Variants in STXBP3 observed in about 807,000 individuals in gnomAD.
STXBP3 encodes syntaxin-binding protein 3.
A neutral mutation model predicts 85.7 loss-of-function variants in STXBP3; 41 were observed. That is an observed-to-expected ratio of 0.48 (90% CI 0.37 to 0.62). The LOEUF (loss-of-function observed/expected upper bound fraction) is 0.62, where lower values mean the gene tolerates loss of function less well. Ranked by LOEUF, STXBP3 falls within the 20% of genes least tolerant of loss-of-function variation. The pLI, the probability that STXBP3 is intolerant of heterozygous loss-of-function variation, is 0.00. For synonymous variants in STXBP3, 229 were observed against 231.7 expected, an observed-to-expected ratio of 0.99 and a Z score of 0.10; for missense variants, 563 against 703.1, an observed-to-expected ratio of 0.80 and a Z score of 2.25.
At position 108,796,282 on chromosome 1, in the gene STXBP3, A is replaced by T. The variant is rs1557814434; in HGVS notation, c.1159A>T (p.Met387Leu). 1 of 1,613,842 alleles carries T rather than the reference A, an allele frequency of 6.2e-7. No individual in the cohort carries two copies. Among genetic ancestry groups the T allele is most frequent in the East Asian group, 2.2e-5 (1 of 44,866 alleles). Residue 387 changes from methionine to leucine, a missense_variant, in exon 14 of 19, where the codon ATG becomes TTG. This residue lies in a region of STXBP3 where 494 missense variants were observed against 592.8 expected (regional missense o/e 0.83). Coordinates refer to ENST00000370008, the MANE Select transcript of STXBP3 (RefSeq NM_007269.4). The part of the protein sequence containing the change: ...DAEGQKVKDS[M>L]RVLLPVLLNK... ...AGAAGGACAGAAGGTGAAAGATTCC[A>T]TGCGAGTACTCCTTCCAGTTCTACT... is the stretch of plus-strand genomic sequence containing the variant.
At chr1:108,803,987 T>C (rs990931855) in intron 17 of STXBP3, among the ~76,000 whole-genome samples, 6 of 152,186 alleles carry the variant, frequency 3.9e-5, no homozygotes, top group African/African-American at 1.4e-4. Context: ...ATAATTAACC[T>C]TTTTTCTCTG....
At chr1:108,772,856 A>G (rs1172990737) in intron 7 of STXBP3, 37 bp downstream of exon 7, 7 of 1,474,666 alleles carry the variant, frequency 4.7e-6, no homozygotes, top group South Asian at 1.4e-5. Context: ...TATGCTTCCT[A>G]TTTACCATTC....
At chr1:108,780,207 T>A (rs1271326133) in intron 9 of STXBP3, 3 of 152,202 alleles carry the variant, frequency 2.0e-5, no homozygotes, top group Non-Finnish European at 4.4e-5. Context: ...TACTGTTTTT[T>A]TTCTTAAATA....
intron 1 of STXBP3, among the ~76,000 whole-genome samples, chr1:108,750,574 A>T (rs1040655468): frequency 6.6e-6 from 1 of 152,168 alleles, no homozygotes; most frequent in African/African-American, 2.4e-5. Context: ...TTCCCCCCTC[A>T]CACCAACCAG....
At chr1:108,754,891 A>C (rs1309069777) in intron 3 of STXBP3, among the ~76,000 whole-genome samples, 1 of 152,124 alleles carries the variant, frequency 6.6e-6, no homozygotes, top group Non-Finnish European at 1.5e-5. Context: ...AGAACCACCT[A>C]AGTTTGCTAT....
At chr1:108,794,623 A>G (rs1380921903) in intron 12 of STXBP3, among the ~76,000 whole-genome samples, 1 of 152,200 alleles carries the variant, frequency 6.6e-6, no homozygotes, top group Admixed American at 6.5e-5. Flanking sequence ...ACAAGATGAG[A>G]TTTAGGTGGG....
rs140380528 is a variant in STXBP3, at chr1:108,777,596, A to G, written c.684+1173A>G. On this transcript the variant is annotated intron_variant, in intron 8 of 18. Transcript: ENST00000370008. The stretch of plus-strand genomic sequence containing the variant: ...ATAAATGTTTGTTGAATGAAGAGAT[A>G]TACAATCAAATATGCTTTTAGTCCT... 2.2e-3 allele frequency among the ~76,000 whole-genome samples: 340 copies of G among 152,284 alleles called. 4 individuals are homozygous for G. Among genetic ancestry groups the G allele is most frequent in the African/African-American group, 7.7e-3 (320 of 41,558 alleles).
chr1:108,784,652 A>G (rs1662788178), intron 11 of STXBP3, among the ~76,000 whole-genome samples: 1 of 152,038 alleles, frequency 6.6e-6, no homozygotes, highest in South Asian at 2.1e-4. Flanking sequence ...ACAGTCCCCT[A>G]CAGTCTTAAC....
At chr1:108,805,728 C>T (rs573359665) in intron 17 of STXBP3, among the ~76,000 whole-genome samples, 1 of 152,264 alleles carries the variant, frequency 6.6e-6, no homozygotes, top group African/African-American at 2.4e-5. Flanking sequence ...CAGCCAAGAA[C>T]ATTATTAAAA....
intron 1 of STXBP3, among the ~76,000 whole-genome samples, chr1:108,751,268 A>G (rs1478094600): frequency 1.3e-5 from 2 of 152,150 alleles, no homozygotes; most frequent in East Asian, 1.9e-4. Flanking sequence ...AAGAGATGCT[A>G]TCACTCAGGA....
chr1:108,748,859 A>G (rs1661848958), intron 1 of STXBP3, among the ~76,000 whole-genome samples: 1 of 152,208 alleles, frequency 6.6e-6, no homozygotes, highest in Non-Finnish European at 1.5e-5. Flanking sequence ...TTATTTGGGT[A>G]ACTTTTGGAC....
chr1:108,768,269 T>C (rs1292597325), intron 6 of STXBP3, among the ~76,000 whole-genome samples: 1 of 152,082 alleles, frequency 6.6e-6, no homozygotes, highest in Non-Finnish European at 1.5e-5. Flanking sequence ...CCAGGTTTTG[T>C]TAGGTTTTGT....
intron 15 of STXBP3, among the ~76,000 whole-genome samples, chr1:108,797,414 CTTT>C (rs1322961126): frequency 8.9e-5 from 12 of 135,100 alleles, no homozygotes; most frequent in Admixed American, 1.5e-4. Context: ...TCTTTCCCAT[CTTT>C]TTTTTTTTTT....
At chr1:108,794,735 C>T in intron 12 of STXBP3, 92 bp from the exon 13 acceptor site, 1 of 1,094,432 alleles carries the variant, frequency 9.1e-7, no homozygotes, top group South Asian at 1.4e-5. Context: ...TCAGCCCATA[C>T]TTTCTTTCAG....
chr1:108,750,421 T>C (rs1166981934), intron 1 of STXBP3, among the ~76,000 whole-genome samples: 1 of 152,176 alleles, frequency 6.6e-6, no homozygotes, highest in African/African-American at 2.4e-5. Context: ...GCAAACAATA[T>C]ATAATTATCT....
At chr1:108,779,149 T>TTTTG in intron 8 of STXBP3, 137 bp from the exon 9 acceptor site, 1 of 872,470 alleles carries the variant, frequency 1.1e-6, no homozygotes, top group Middle Eastern at 2.8e-4. Flanking sequence ...TAACCATTTG[T>TTTTG]TTTGTTCTGT....
rs778083653 is a variant in STXBP3, at chr1:108,746,715, T to C, written c.-23T>C. On this transcript the variant is annotated 5_prime_UTR_variant, in exon 1 of 19. Transcript: ENST00000370008. ...TAGGTTGGGAGTGGAAGGTGGTGGCTGCTGCTCCGCAGTGTCGGGAAGATG... is the reference window on the plus strand; with the variant it reads ...TAGGTTGGGAGTGGAAGGTGGTGGCCGCTGCTCCGCAGTGTCGGGAAGATG... 13 of 1,548,066 alleles carry C rather than the reference T, an allele frequency of 8.4e-6. No individual in the cohort carries two copies. In the East Asian group the frequency reaches 2.2e-4, roughly 26 times the overall value.
chr1:108,793,487 A>T (rs1273256463), intron 11 of STXBP3, 95 bp from the exon 12 acceptor site: 4 of 1,092,948 alleles, frequency 3.7e-6, no homozygotes, highest in Non-Finnish European at 5.3e-6. Flanking sequence ...TAAATTAACT[A>T]GATTTGATAA....
At chr1:108,763,581 A>G (rs896001756) in intron 6 of STXBP3, among the ~76,000 whole-genome samples, 48 of 151,850 alleles carry the variant, frequency 3.2e-4, no homozygotes, top group African/African-American at 1.1e-3. Flanking sequence ...GCAAAACCCA[A>G]CTTTTTTTTT....
Sources: allele counts gnomAD v4.1 joint callset (sites outside exome capture counted in the v4.1 genomes callset), GRCh38; gene constraint gnomAD v4.1.1; regional missense constraint gnomAD v4.1.1; transcripts MANE v1.5; gene names NCBI Gene and HGNC (gene_info 2026-07-23, HGNC 2026-07-21).